The following NALF1 variants were observed in gnomAD, a reference collection of about 807,000 sequenced individuals.
The protein encoded by NALF1 is family with sequence similarity 155 member A.
NALF1 carries 3 observed loss-of-function variants against 48.4 expected under a neutral mutation model. The observed-to-expected ratio is 0.06, with a 90% CI of 0.03 to 0.16. The LOEUF is 0.16. Ranked by LOEUF, NALF1 falls within the 10% of genes least tolerant of loss-of-function variation. The probability of loss-of-function intolerance (pLI) is 1.00; values close to 1 mark genes in which losing one functional copy is unlikely to be tolerated. For synonymous variants in NALF1, 262 were observed against 245.7 expected (o/e 1.07, Z -0.62); for missense variants, 526 against 571.5 (o/e 0.92, Z 0.81).
At chr13:107,620,128 T>C (rs1879482498) in intron 1 of NALF1, among the ~76,000 whole-genome samples, 1 of 152,174 alleles carries the variant, frequency 6.6e-6, no homozygotes, top group Admixed American at 6.5e-5. Flanking sequence ...TTCAAAAAAA[T>C]TCTCCTCTAG....
intron 1 of NALF1, among the ~76,000 whole-genome samples, chr13:107,804,578 A>T (rs1196113144): frequency 6.6e-6 from 1 of 152,124 alleles, no homozygotes; most frequent in African/African-American, 2.4e-5. Flanking sequence ...CACCTCACCA[A>T]GACCCAGCAT....
chr13:107,800,334 C>T (rs1442475394), intron 1 of NALF1, among the ~76,000 whole-genome samples: 1 of 151,786 alleles, frequency 6.6e-6, no homozygotes, highest in Non-Finnish European at 1.5e-5. Context: ...ATGATTTTAT[C>T]GTATTTTTAT....
chr13:107,470,435 A>T (rs1275254413), intron 1 of NALF1, among the ~76,000 whole-genome samples: 1 of 152,222 alleles, frequency 6.6e-6, no homozygotes, highest in Non-Finnish European at 1.5e-5. Context: ...ACATTTGTTC[A>T]TATGATATAC....
intron 1 of NALF1, among the ~76,000 whole-genome samples, chr13:107,685,601 G>A (rs1247099034): frequency 6.6e-6 from 1 of 152,212 alleles, no homozygotes; most frequent in Non-Finnish European, 1.5e-5. Flanking sequence ...AACTTGAAAT[G>A]AAGAGCAGTC....
At chr13:107,707,124 G>A (rs370273457) in intron 1 of NALF1, among the ~76,000 whole-genome samples, 352 of 151,216 alleles carry the variant, frequency 2.3e-3, no homozygotes, top group Non-Finnish European at 3.1e-3. Context: ...GGGTTTCACC[G>A]TTTTAGCCGG....
At chr13:107,663,780 T>G (rs1484745616) in intron 1 of NALF1, among the ~76,000 whole-genome samples, 1 of 152,174 alleles carries the variant, frequency 6.6e-6, no homozygotes, top group Non-Finnish European at 1.5e-5. Context: ...TTTTCACAAT[T>G]GATCCCTTCT....
At chr13:107,282,895 C>G (rs1241080181) in intron 1 of NALF1, among the ~76,000 whole-genome samples, 2 of 152,148 alleles carry the variant, frequency 1.3e-5, no homozygotes, top group Admixed American at 6.5e-5. Flanking sequence ...GTTTATGCCA[C>G]TAAGTTTTGG....
intron 1 of NALF1, among the ~76,000 whole-genome samples, chr13:107,220,403 T>G (rs576160557): frequency 2.6e-5 from 4 of 152,336 alleles, no homozygotes; most frequent in African/African-American, 9.6e-5. Context: ...TGCATTACTG[T>G]CAGAAAAATG....
At chr13:107,612,069 A>AGAGAGGGGAGTGGGGGG (rs1879239078) in intron 1 of NALF1, among the ~76,000 whole-genome samples, 1 of 75,072 alleles carries the variant, frequency 1.3e-5, no homozygotes, top group Non-Finnish European at 2.6e-5. Flanking sequence ...AGTGGGGGGG[A>AGAGAGGGGAGTGGGGGG]GAGAGGGGAG....
intron 1 of NALF1, among the ~76,000 whole-genome samples, chr13:107,614,909 TG>T (rs1235852196): frequency 6.6e-6 from 1 of 152,148 alleles, no homozygotes; most frequent in African/African-American, 2.4e-5. Context: ...CCTGAGTAGC[TG>T]GGATTACAGG....
At chr13:107,720,562 G>A (rs1261705384) in intron 1 of NALF1, among the ~76,000 whole-genome samples, 1 of 148,156 alleles carries the variant, frequency 6.7e-6, no homozygotes, top group Non-Finnish European at 1.5e-5. Context: ...TACACAGTGA[G>A]TATTGTATGG....
chr13:107,511,030 C>G (rs1468321560), intron 1 of NALF1, among the ~76,000 whole-genome samples: 2 of 152,150 alleles, frequency 1.3e-5, no homozygotes, highest in Non-Finnish European at 2.9e-5. Flanking sequence ...ATCCCCTGAC[C>G]TGCCCTAAAC....
intron 1 of NALF1, among the ~76,000 whole-genome samples, chr13:107,839,621 G>C (rs941098048): frequency 2.0e-5 from 3 of 151,510 alleles, no homozygotes; most frequent in African/African-American, 7.3e-5. Context: ...CACACAGTGA[G>C]AAAGCAGCAG....
intron 1 of NALF1, among the ~76,000 whole-genome samples, chr13:107,454,710 T>G (rs1432549215): frequency 6.6e-6 from 1 of 152,190 alleles, no homozygotes; most frequent in Non-Finnish European, 1.5e-5. Context: ...TTGAAAACTT[T>G]GAAAAGCTAG....
At chr13:107,302,622 A>G (rs2138894334) in intron 1 of NALF1, among the ~76,000 whole-genome samples, 1 of 152,322 alleles carries the variant, frequency 6.6e-6, no homozygotes, top group South Asian at 2.1e-4. Context: ...AGATCTGGTG[A>G]AGACCTCAAA....
At chr13:107,286,836 A>G (rs1169097840) in intron 1 of NALF1, among the ~76,000 whole-genome samples, 1 of 152,218 alleles carries the variant, frequency 6.6e-6, no homozygotes, top group African/African-American at 2.4e-5. Flanking sequence ...TATATAAAAC[A>G]TCTGGAAAGA....
chr13:107,764,206 T>C (rs145739436), intron 1 of NALF1, among the ~76,000 whole-genome samples: 51 of 152,300 alleles, frequency 3.3e-4, no homozygotes, highest in African/African-American at 1.2e-3. Context: ...TTATTACTTA[T>C]TTCAAAATTA....
chr13:107,696,582 G>A (rs1881706208), intron 1 of NALF1, among the ~76,000 whole-genome samples: 2 of 147,960 alleles, frequency 1.4e-5, no homozygotes, highest in Admixed American at 1.4e-4. Flanking sequence ...GTGTGTGTGT[G>A]TGTGTGTATT....
rs188658449 is a variant in NALF1, at chr13:107,169,124, A to G, written c.*1373T>C. On this transcript the variant is annotated 3_prime_UTR_variant, in exon 3 of 3. Transcript: ENST00000375915. ...GAAATGTTCCCACAAAGAAAATAAA[A>G]TACAAACAGTGATCAGACCTCTTTT... 168 of 152,684 alleles carry G rather than the reference A, an allele frequency of 1.1e-3. No individual in the cohort carries two copies. Among genetic ancestry groups the G allele is most frequent in the African/African-American group, 3.8e-3 (158 of 41,524 alleles). The allele number at this position is 152,684 out of a possible 1,614,324, so 9.5% of individuals were successfully genotyped here. A position where few individuals can be genotyped will look rare whatever the true frequency, so the allele number is the denominator to read the frequency against.
Sources: allele counts gnomAD v4.1 joint callset (sites outside exome capture counted in the v4.1 genomes callset), GRCh38; gene constraint gnomAD v4.1.1; transcripts MANE v1.5; gene names NCBI Gene and HGNC (gene_info 2026-07-23, HGNC 2026-07-21).